LRP2: variants seen among roughly 807,000 people sequenced by gnomAD.
LRP2 encodes LDL receptor related protein 2, also known as low-density lipoprotein receptor-related protein 2.
In LRP2, 172 loss-of-function variants were observed where a neutral mutation model predicts 531.0. The observed-to-expected ratio is 0.32, with a 90% CI of 0.29 to 0.37. The LOEUF is 0.37. LRP2 is among the 10% of genes least tolerant of loss of function. The probability of loss-of-function intolerance (pLI) is 1.00; values close to 1 mark genes in which losing one functional copy is unlikely to be tolerated. For missense variants in LRP2, 5,167 were observed against 5,868.3 expected (o/e 0.88, Z 3.90); for synonymous variants, 1,992 against 2,027.6 (o/e 0.98, Z 0.47).
intron 69 of LRP2, 26 bp from the exon 70 acceptor site, chr2:169,145,949 A>G: frequency 6.2e-7 from 1 of 1,612,380 alleles, no homozygotes; most frequent in Non-Finnish European, 8.5e-7. Flanking sequence ...GGAAAAACAA[A>G]ACAGAAGGTT....
chr2:169,170,639 A>G lies in LRP2; in HGVS notation c.11292T>C (p.Phe3764=). ...CAPRECTESE[F]RCVNQQCIPS... is the part of the protein sequence containing the mutation. ...GAATGCACTGCTGATTGACACATCG[A>G]AACTCGCTCTCTGTGCACTCCCGGG... The change falls in exon 59 of 79, where the codon TTT becomes TTC. Residue 3764 remains phenylalanine (F), a synonymous_variant. Transcript: ENST00000649046. 2 of 1,614,076 alleles carry G rather than the reference A, an allele frequency of 1.2e-6. No individual in the cohort carries two copies. The highest frequency in any genetic ancestry group is 1.7e-6 in the Non-Finnish European group (2 of 1,179,980).
rs1216419792 is a variant in LRP2, at chr2:169,243,454, C to T, written c.3499G>A (p.Val1167Ile). 1 of 1,614,162 alleles carries T rather than the reference C, an allele frequency of 6.2e-7. No homozygotes were observed. The highest frequency in any genetic ancestry group is 8.5e-7 in the Non-Finnish European group (1 of 1,180,022). ...ACACAATCCTTGTCACCATCACAGACAAACGATAGGTCAATACATCGATGA... is the reference window on the plus strand; with the variant it reads ...ACACAATCCTTGTCACCATCACAGATAAACGATAGGTCAATACATCGATGA... ...PNHRCIDLSF[V>I]CDGDKDCVDG... Residue 1167 changes from valine to isoleucine, a missense_variant, in exon 23 of 79, where the codon GTC becomes ATC. Physicochemically the swap from Val to Ile is conservative, Grantham distance 29. Transcript: ENST00000649046.
At chr2:169,336,861 C>A (rs1345650581) in intron 1 of LRP2, among the ~76,000 whole-genome samples, 1 of 152,182 alleles carries the variant, frequency 6.6e-6, no homozygotes, top group African/African-American at 2.4e-5. Context: ...AAACTAAAGT[C>A]AGCCAGTTCT....
chr2:169,136,774 C>T (rs914826789), intron 76 of LRP2, among the ~76,000 whole-genome samples: 12 of 152,158 alleles, frequency 7.9e-5, no homozygotes, highest in Non-Finnish European at 1.0e-4. Flanking sequence ...CCGCCTGCAC[C>T]CAGGTGAAAT....
chr2:169,325,378 GAAAC>G (rs1467308364), intron 1 of LRP2, among the ~76,000 whole-genome samples: 3 of 152,138 alleles, frequency 2.0e-5, no homozygotes, highest in Non-Finnish European at 2.9e-5. Flanking sequence ...TGAACTCAAA[GAAAC>G]AAACAAATTT....
chr2:169,275,469 A>T (rs1247043156), intron 13 of LRP2: 1 of 521,968 alleles, frequency 1.9e-6, no homozygotes, highest in Non-Finnish European at 3.4e-6. Context: ...TTCCAGTCCC[A>T]GTCAATCCTT....
chr2:169,219,514 T>C (rs2193195), intron 34 of LRP2, among the ~76,000 whole-genome samples: 70,138 of 152,022 alleles, frequency 0.46, 16,555 homozygotes, highest in South Asian at 0.66. Flanking sequence ...TCTCTCCACA[T>C]CAATCCTGAC....
intron 52 of LRP2, among the ~76,000 whole-genome samples, chr2:169,181,062 T>C (rs903091889): frequency 6.6e-6 from 1 of 152,212 alleles, no homozygotes; most frequent in Non-Finnish European, 1.5e-5. Context: ...CTTTTATTCT[T>C]TTCCTTTTCT....
intron 4 of LRP2, among the ~76,000 whole-genome samples, chr2:169,305,565 C>T (rs151305177): frequency 7.4e-4 from 112 of 152,274 alleles, no homozygotes; most frequent in African/African-American, 2.6e-3. Context: ...TAGGCTAAAA[C>T]TTGAATCTTC....
chr2:169,351,156 C>T (rs1449339490), intron 1 of LRP2, among the ~76,000 whole-genome samples: 1 of 152,134 alleles, frequency 6.6e-6, no homozygotes, highest in Non-Finnish European at 1.5e-5. Flanking sequence ...TGCTGCTAAC[C>T]AGTTAAATAA....
chr2:169,312,273 A>G (rs1478458052), intron 3 of LRP2, among the ~76,000 whole-genome samples: 1 of 151,986 alleles, frequency 6.6e-6, no homozygotes, highest in Non-Finnish European at 1.5e-5. Flanking sequence ...TTTGCTCGTT[A>G]GTTGATGCAG....
intron 31 of LRP2, among the ~76,000 whole-genome samples, chr2:169,228,077 G>C (rs1459747068): frequency 6.6e-6 from 1 of 152,148 alleles, no homozygotes; most frequent in East Asian, 1.9e-4. Flanking sequence ...CATCAGGTAA[G>C]TATTTCCCTT....
intron 26 of LRP2, among the ~76,000 whole-genome samples, chr2:169,238,674 T>C (rs937909533): frequency 1.3e-5 from 2 of 152,164 alleles, no homozygotes; most frequent in African/African-American, 4.8e-5. Context: ...GAATCATGTC[T>C]TAAATATTTC....
intron 66 of LRP2, among the ~76,000 whole-genome samples, chr2:169,154,131 CT>C (rs1396250469): frequency 2.6e-5 from 4 of 152,102 alleles, no homozygotes; most frequent in African/African-American, 9.7e-5. Flanking sequence ...TCTTTGAGGT[CT>C]GAGTAGAAAT....
chr2:169,169,695 G>A lies in LRP2; in HGVS notation c.11497+7C>T. On this transcript the variant is annotated splice_region_variant and intron_variant, in intron 60 of 78. Transcript: ENST00000649046. ...AAGCAGTACTACATATGTGTCTAGG[G>A]ACTTACGACAATCAGCTTCATCAGA... The A allele has an allele frequency of 6.2e-7, 1 of 1,610,482 alleles. No individual in the cohort carries two copies.
chr2:169,166,201 C>T, intron 61 of LRP2, 147 bp from the exon 62 acceptor site: 1 of 773,118 alleles, frequency 1.3e-6, no homozygotes, highest in South Asian at 1.5e-5. Flanking sequence ...ATACACCTTA[C>T]ATGTATAGTA....
At chr2:169,181,170 G>A (rs1428026871) in intron 52 of LRP2, among the ~76,000 whole-genome samples, 2 of 152,134 alleles carry the variant, frequency 1.3e-5, no homozygotes, top group Non-Finnish European at 2.9e-5. Context: ...TGACTACCAT[G>A]GGGAGAGATT....
Position 169,292,325 on chromosome 2 carries a change from G to A in LRP2, c.697C>T (p.Arg233Ter), listed in dbSNP as rs1230676326. The A allele has an allele frequency of 6.2e-7, 1 of 1,613,900 alleles. No homozygotes were observed. The highest frequency in any genetic ancestry group is 8.5e-7 in the Non-Finnish European group (1 of 1,179,932). ...CAAACCCAGTTTTGATAAATGCATC[G>A]GCCACTGGGGCAAGTGAACTGGTAA... ...GGYQFTCPSG[R>*]CIYQNWVCDG... Residue 233 changes from arginine to a stop codon, truncating the protein, a stop_gained, in exon 7 of 79, where the codon CGA becomes TGA. Transcript: ENST00000649046. LOFTEE classifies it high-confidence loss of function.
intron 43 of LRP2, 116 bp from the exon 44 acceptor site, chr2:169,201,986 CGCTGCAAAATGG>C: frequency 7.4e-7 from 1 of 1,360,130 alleles, no homozygotes; most frequent in South Asian, 1.2e-5. Flanking sequence ...AGGCAAAAAA[CGCTGCAAAATGG>C]ACTGCATGCA....
Sources: allele counts gnomAD v4.1 joint callset (sites outside exome capture counted in the v4.1 genomes callset), GRCh38; gene constraint gnomAD v4.1.1; transcripts MANE v1.5; gene names NCBI Gene and HGNC (gene_info 2026-07-23, HGNC 2026-07-21).